ADSS2: variants seen among roughly 807,000 people sequenced by gnomAD.
The protein encoded by ADSS2 is adenylosuccinate synthase 2.
In ADSS2, 30 loss-of-function variants were observed where a neutral mutation model predicts 60.0. The ratio of observed to expected loss-of-function variants is 0.50; its 90% CI spans 0.37 to 0.68. The LOEUF is 0.68. ADSS2 is among the 30% of genes least tolerant of loss of function. The pLI, the probability that ADSS2 is intolerant of heterozygous loss-of-function variation, is 0.00. For synonymous variants in ADSS2, 187 were observed against 193.1 expected (o/e 0.97, Z 0.26); for missense variants, 373 against 554.8 (o/e 0.67, Z 3.29).
intron 10 of ADSS2, among the ~76,000 whole-genome samples, chr1:244,417,023 A>G (rs1022430690): frequency 1.3e-5 from 2 of 152,210 alleles, no homozygotes; most frequent in African/African-American, 4.8e-5. Context: ...ATATGAATAC[A>G]TTTATTTACC....
intron 7 of ADSS2, 128 bp from the exon 8 acceptor site, chr1:244,420,424 C>T (rs983268883): frequency 2.9e-5 from 21 of 731,814 alleles, no homozygotes; most frequent in African/African-American, 5.3e-5. Flanking sequence ...GGGCTGGTGA[C>T]GGTGCTCACT....
chr1:244,417,838 G>A (rs1277715887), intron 9 of ADSS2, 86 bp from the exon 10 acceptor site: 11 of 1,267,236 alleles, frequency 8.7e-6, no homozygotes, highest in Non-Finnish European at 1.1e-5. Flanking sequence ...TCATAGCAAA[G>A]CCTCTTTGAG....
At position 244,451,509 on chromosome 1, in the gene ADSS2, G is replaced by A. The variant is rs1002798668; in HGVS notation, c.183+126C>T. 1.3e-4 allele frequency: 136 copies of A among 1,051,988 alleles called. No homozygotes were observed. Among genetic ancestry groups the A allele is most frequent in the Non-Finnish European group, 1.7e-4 (126 of 746,334 alleles). The allele number at this position is 1,051,988 out of a possible 1,614,324, so 65.2% of individuals were successfully genotyped here. ...AGCCGCAGCTCAGGACAGGAGGAGA[G>A]AGCCTCAAGGTGACACCTCATTTTG... On this transcript the variant is annotated intron_variant, in intron 1 of 12. Coordinates refer to ENST00000366535, the MANE Select transcript of ADSS2 (RefSeq NM_001126.5). The surrounding 1 kb of genome is among the most constrained non-coding windows in gnomAD (Gnocchi z 6.6).
chr1:244,409,586 T>C lies in ADSS2; in HGVS notation c.1371A>G (p.Ter457=), dbSNP rs1421963788. Reference sequence around the variant, plus strand: ...GTGTTTCTTGCATTACTGGCAATCATTAAAAGAGTTGAATCATAGATTCTC... The same window carrying C: ...GTGTTTCTTGCATTACTGGCAATCACTAAAAGAGTTGAATCATAGATTCTC... The part of the protein sequence containing the change: ...KSRESMIQLF[*] The change falls in exon 13 of 13, where the codon TAA becomes TAG. Residue 457 remains the stop codon, a stop_retained_variant. Transcript: ENST00000366535. 1 of 1,606,744 alleles carries C rather than the reference T, an allele frequency of 6.2e-7. No homozygotes were observed. Among genetic ancestry groups the C allele is most frequent in the South Asian group, 1.1e-5 (1 of 90,624 alleles).
At chr1:244,420,326 T>C (rs1664646225) in intron 7 of ADSS2, 30 bp from the exon 8 acceptor site, 2 of 1,577,716 alleles carry the variant, frequency 1.3e-6, no homozygotes, top group East Asian at 2.2e-5. Flanking sequence ...CCAATTTCCA[T>C]GTATACTAAT....
rs1038935771 is a variant in ADSS2 at position 244,451,377 on chromosome 1, C to T, written c.183+258G>A. Among the ~76,000 whole-genome samples the T allele has an allele frequency of 3.3e-5, 5 of 152,210 alleles. No individual in the cohort carries two copies. The highest frequency in any genetic ancestry group is 1.2e-4 in the African/African-American group (5 of 41,446). ...AAAACTGCAACTGCCAGGCATCGCGCATCTCTCAAAGGCTCCCCGCCAGCC... is the reference window on the plus strand; with the variant it reads ...AAAACTGCAACTGCCAGGCATCGCGTATCTCTCAAAGGCTCCCCGCCAGCC... On this transcript the variant is annotated intron_variant, in intron 1 of 12. Coordinates refer to ENST00000366535, the MANE Select transcript of ADSS2 (RefSeq NM_001126.5). This position sits in a 1 kb window ranked among gnomAD's most constrained non-coding sequence, Gnocchi z 6.6.
intron 6 of ADSS2, among the ~76,000 whole-genome samples, chr1:244,423,361 C>A (rs1419065868): frequency 6.6e-6 from 1 of 152,108 alleles, no homozygotes; most frequent in African/African-American, 2.4e-5. Context: ...AGTGGTTGAT[C>A]GAAAGGGGAT....
chr1:244,433,424 C>T (rs1664999680), intron 3 of ADSS2, among the ~76,000 whole-genome samples: 1 of 152,178 alleles, frequency 6.6e-6, no homozygotes, highest in Non-Finnish European at 1.5e-5. Flanking sequence ...AAACCAGTCA[C>T]ATCCAAATAA....
At chr1:244,409,660 A>T (rs1394794436) in intron 12 of ADSS2, 22 bp from the exon 13 acceptor site, 2 of 1,574,810 alleles carry the variant, frequency 1.3e-6, no homozygotes, top group Non-Finnish European at 1.7e-6. Context: ...CAAAGAGAAA[A>T]GGAATTGAAT....
intron 9 of ADSS2, 69 bp from the exon 10 acceptor site, chr1:244,417,821 C>T (rs1664574820): frequency 7.6e-6 from 11 of 1,452,044 alleles, no homozygotes; most frequent in Non-Finnish European, 9.5e-6. Flanking sequence ...ATAATATATG[C>T]TAGAGATCAT....
intron 1 of ADSS2, among the ~76,000 whole-genome samples, chr1:244,446,437 G>T (rs1004521693): frequency 6.6e-6 from 1 of 152,096 alleles, no homozygotes; most frequent in African/African-American, 2.4e-5. Context: ...AATACACAGG[G>T]TATCTGAATT....
intron 5 of ADSS2, 54 bp downstream of exon 5, chr1:244,424,267 A>G: frequency 1.3e-6 from 2 of 1,521,450 alleles, no homozygotes; most frequent in Non-Finnish European, 1.8e-6. Context: ...GAACTAAAAT[A>G]TAAAGGTCTG....
At chr1:244,434,470 TGA>T (rs1372338470) in intron 3 of ADSS2, among the ~76,000 whole-genome samples, 1 of 152,168 alleles carries the variant, frequency 6.6e-6, no homozygotes, top group Non-Finnish European at 1.5e-5. Context: ...TCTTTAACAA[TGA>T]AAAATTTGTT....
intron 11 of ADSS2, among the ~76,000 whole-genome samples, chr1:244,412,174 A>C (rs545197500): frequency 6.6e-6 from 1 of 152,356 alleles, no homozygotes; most frequent in East Asian, 1.9e-4. Flanking sequence ...ACAACTTTCA[A>C]GGGCTATGTT....
chr1:244,428,796 A>C (rs1664866305), intron 4 of ADSS2, among the ~76,000 whole-genome samples: 1 of 152,190 alleles, frequency 6.6e-6, no homozygotes. Flanking sequence ...AGATGAACAC[A>C]TTTCTTTAGA....
chr1:244,430,930 T>A (rs1438231139), intron 4 of ADSS2, among the ~76,000 whole-genome samples: 1 of 152,152 alleles, frequency 6.6e-6, no homozygotes, highest in Non-Finnish European at 1.5e-5. Flanking sequence ...AAGACCAGCC[T>A]GACCAACAAG....
At chr1:244,435,149 CAGAG>C (rs1332144361) in intron 3 of ADSS2, among the ~76,000 whole-genome samples, 1 of 105,400 alleles carries the variant, frequency 9.5e-6, no homozygotes, top group African/African-American at 4.1e-5. Context: ...GCCTGGGTGA[CAGAG>C]AGAGACTCCG....
chr1:244,420,409 GA>G, intron 7 of ADSS2, 113 bp from the exon 8 acceptor site: 3 of 905,616 alleles, frequency 3.3e-6, no homozygotes, highest in Non-Finnish European at 4.8e-6. Context: ...ACGCAAAGTA[GA>G]AAAGGGCTGG....
chr1:244,419,097 C>G (rs942720240), intron 8 of ADSS2, 183 bp from the exon 9 acceptor site: 2 of 593,044 alleles, frequency 3.4e-6, no homozygotes, highest in Non-Finnish European at 5.6e-6. Context: ...GACATAAAAA[C>G]GAGGTCAGAG....
Sources: allele counts gnomAD v4.1 joint callset (sites outside exome capture counted in the v4.1 genomes callset), GRCh38; gene constraint gnomAD v4.1.1; non-coding constraint Gnocchi (gnomAD v3.1); transcripts MANE v1.5; gene names NCBI Gene and HGNC (gene_info 2026-07-23, HGNC 2026-07-21).